Variants in PID1 observed in about 807,000 individuals in gnomAD.
PID1 encodes phosphotyrosine interaction domain containing 1, also known as PTB-containing, cubilin and LRP1-interacting protein.
In PID1, 10 loss-of-function variants were observed where a neutral mutation model predicts 19.1. The observed-to-expected ratio is 0.52, with a 90% CI of 0.32 to 0.89. The LOEUF (loss-of-function observed/expected upper bound fraction) is 0.89, where lower values mean the gene tolerates loss of function less well. PID1 is among the 40% of genes least tolerant of loss of function. The pLI is 0.03. For synonymous variants in PID1, 130 were observed against 116.0 expected, an observed-to-expected ratio of 1.12 and a Z score of -0.78; for missense variants, 248 against 285.3, an observed-to-expected ratio of 0.87 and a Z score of 0.94.
chr2:229,158,371 T>C (rs1690424545), intron 1 of PID1, among the ~76,000 whole-genome samples: 1 of 152,208 alleles, frequency 6.6e-6, no homozygotes, highest in Admixed American at 6.5e-5. Context: ...TCCTTGTCCC[T>C]GCTTTATTGT....
At chr2:229,141,130 A>G (rs1498) in intron 2 of PID1, among the ~76,000 whole-genome samples, 59,700 of 151,900 alleles carry the variant, frequency 0.39, 11,918 homozygotes, top group South Asian at 0.57. Flanking sequence ...AAGCGGAAAT[A>G]AAATTAGGGT....
At chr2:229,157,712 T>C (rs1320878649) in intron 1 of PID1, among the ~76,000 whole-genome samples, 2 of 152,196 alleles carry the variant, frequency 1.3e-5, no homozygotes, top group East Asian at 3.9e-4. Context: ...AGGCTATGCA[T>C]TGGAACCAGA....
intron 2 of PID1, among the ~76,000 whole-genome samples, chr2:229,138,966 A>G (rs1045677321): frequency 6.2e-5 from 9 of 145,144 alleles, no homozygotes; most frequent in Admixed American, 1.4e-4. Context: ...AAGAGAAATA[A>G]ATAGAAAAAA....
At chr2:229,122,247 A>G (rs7602616) in intron 2 of PID1, among the ~76,000 whole-genome samples, 120,950 of 152,134 alleles carry the variant, frequency 0.8, 48,218 homozygotes, top group East Asian at 1. Flanking sequence ...TTTTTACACC[A>G]TTAACAATAG....
At chr2:229,062,124 T>C (rs1694224561) in intron 2 of PID1, among the ~76,000 whole-genome samples, 1 of 151,962 alleles carries the variant, frequency 6.6e-6, no homozygotes, top group African/African-American at 2.4e-5. Flanking sequence ...TTCAATACTA[T>C]GCTGAGTAAA....
At chr2:229,048,894 C>T (rs1395801885) in intron 2 of PID1, among the ~76,000 whole-genome samples, 4 of 152,014 alleles carry the variant, frequency 2.6e-5, no homozygotes, top group Non-Finnish European at 5.9e-5. Flanking sequence ...TGGGGTTTGG[C>T]GATCACCACA....
At chr2:229,170,846 T>C (rs972812077) in intron 1 of PID1, among the ~76,000 whole-genome samples, 21 of 152,088 alleles carry the variant, frequency 1.4e-4, no homozygotes, top group African/African-American at 5.1e-4. Flanking sequence ...GTGCTTATCT[T>C]CCTCCGAAGT....
intron 2 of PID1, among the ~76,000 whole-genome samples, chr2:229,104,697 T>C (rs1695139266): frequency 6.6e-6 from 1 of 152,238 alleles, no homozygotes; most frequent in African/African-American, 2.4e-5. Context: ...TTCCCAGACA[T>C]GGAACCTGGG....
At position 229,072,955 on chromosome 2, in the gene PID1, C is replaced by T. The variant is rs189160690; in HGVS notation, c.178-46847G>A. ...CAGTGTTATAAGATGAACAAACCTACTCAGCAAGGTGATTACAAACTGCAG... is the reference window on the plus strand; with the variant it reads ...CAGTGTTATAAGATGAACAAACCTATTCAGCAAGGTGATTACAAACTGCAG... On this transcript the variant is annotated intron_variant, in intron 2 of 2. Transcript: ENST00000392055. Among the ~76,000 whole-genome samples the T allele has an allele frequency of 5.9e-5, 9 of 152,344 alleles. No individual in the cohort carries two copies. In the East Asian group the frequency reaches 1.7e-3, roughly 29 times the overall value.
At chr2:229,178,294 G>A (rs1471655742) in intron 1 of PID1, among the ~76,000 whole-genome samples, 1 of 152,162 alleles carries the variant, frequency 6.6e-6, no homozygotes, top group Non-Finnish European at 1.5e-5. Flanking sequence ...TTCCCAGTGG[G>A]GAAGGCCAGT....
At chr2:229,166,046 G>T (rs1690590794) in intron 1 of PID1, among the ~76,000 whole-genome samples, 3 of 152,152 alleles carry the variant, frequency 2.0e-5, no homozygotes, top group African/African-American at 7.2e-5. Flanking sequence ...ATATTTTTAA[G>T]AGCAGAAAAT....
intron 2 of PID1, among the ~76,000 whole-genome samples, chr2:229,071,562 T>G (rs1694453706): frequency 6.6e-6 from 1 of 152,250 alleles, no homozygotes; most frequent in Non-Finnish European, 1.5e-5. Flanking sequence ...CAGTCCATGA[T>G]ATCTTCTATA....
chr2:229,035,833 C>T (rs188624681), intron 2 of PID1, among the ~76,000 whole-genome samples: 1 of 152,264 alleles, frequency 6.6e-6, no homozygotes, highest in East Asian at 1.9e-4. Context: ...GGCACCCTAC[C>T]AAGGCTTTTT....
At chr2:229,189,835 AGTGCCTCATGGG>A (rs1285042069) in intron 1 of PID1, among the ~76,000 whole-genome samples, 2 of 152,202 alleles carry the variant, frequency 1.3e-5, no homozygotes, top group Non-Finnish European at 2.9e-5. Context: ...AAAATGTGGG[AGTGCCTCATGGG>A]GTGCATGAGA....
intron 1 of PID1, among the ~76,000 whole-genome samples, chr2:229,209,754 A>G (rs537851761): frequency 1.3e-5 from 2 of 152,156 alleles, no homozygotes; most frequent in African/African-American, 2.4e-5. Context: ...GTGGAATGCT[A>G]TTCTTTTTTC....
At chr2:229,207,456 T>C (rs566352204) in intron 1 of PID1, among the ~76,000 whole-genome samples, 1 of 149,556 alleles carries the variant, frequency 6.7e-6, no homozygotes, top group Non-Finnish European at 1.5e-5. Flanking sequence ...CAAATATGAG[T>C]TTCTTCTCTT....
chr2:229,045,535 G>C lies in PID1; in HGVS notation c.178-19427C>G, dbSNP rs193200158. ...CTGTTCCTTTGTTCAAGGTTTCTGG[G>C]CTTTCAGGGCTCTGCTATCACAGGT... On this transcript the variant is annotated intron_variant, in intron 2 of 2. Transcript: ENST00000392055. 2.0e-5 allele frequency among the ~76,000 whole-genome samples: 3 copies of C among 152,280 alleles called. No homozygotes were observed. The East Asian group carries it at 5.8e-4, about 30-fold the overall frequency.
chr2:229,238,672 T>C (rs908952676), intron 1 of PID1, among the ~76,000 whole-genome samples: 1 of 152,040 alleles, frequency 6.6e-6, no homozygotes, highest in Non-Finnish European at 1.5e-5. Flanking sequence ...TCACTCCACC[T>C]CTTGCATTTT....
At position 229,046,869 on chromosome 2, in the gene PID1, G is replaced by A. The variant is rs79510767; in HGVS notation, c.178-20761C>T. Reference sequence around the variant, plus strand: ...TGTTCTGCAATCCAACGGTCTACTCGTTCTTGACTGCACATGAACCTTCAA... The same window carrying A: ...TGTTCTGCAATCCAACGGTCTACTCATTCTTGACTGCACATGAACCTTCAA... On this transcript the variant is annotated intron_variant, in intron 2 of 2. Coordinates refer to ENST00000392055, the MANE Select transcript of PID1 (RefSeq NM_001100818.2). Among the ~76,000 whole-genome samples, 78 of 152,266 alleles carry A rather than the reference G, an allele frequency of 5.1e-4. 1 individual carries two copies. The East Asian group carries it at 0.014, about 27-fold the overall frequency.
Sources: allele counts gnomAD v4.1 joint callset (sites outside exome capture counted in the v4.1 genomes callset), GRCh38; gene constraint gnomAD v4.1.1; transcripts MANE v1.5; gene names NCBI Gene and HGNC (gene_info 2026-07-23, HGNC 2026-07-21).